THSD7B: variants seen among roughly 807,000 people sequenced by gnomAD.
THSD7B encodes the protein thrombospondin type 1 domain containing 7B, also known as thrombospondin type-1 domain-containing protein 7B.
THSD7B carries 138 observed loss-of-function variants against 213.6 expected under a neutral mutation model. That is an observed-to-expected ratio of 0.65 (90% confidence interval 0.56 to 0.74). THSD7B has a LOEUF of 0.74. Among genes scored for constraint, THSD7B ranks in the 30% least tolerant of loss-of-function variants. The pLI, the probability that THSD7B is intolerant of heterozygous loss-of-function variation, is 0.00. For missense variants in THSD7B, 1,931 were observed against 1,991.5 expected, an observed-to-expected ratio of 0.97 and a Z score of 0.58; for synonymous variants, 742 against 687.0, an observed-to-expected ratio of 1.08 and a Z score of -1.25.
intron 2 of THSD7B, among the ~76,000 whole-genome samples, chr2:136,916,675 C>A (rs530704093): frequency 6.6e-6 from 1 of 152,324 alleles, no homozygotes; most frequent in Non-Finnish European, 1.5e-5. Flanking sequence ...ATTCAGCTTC[C>A]AGATGGTTTA....
rs971940479 is a variant in THSD7B, at chr2:137,057,094, G to A, written c.814G>A (p.Asp272Asn). 3 of 1,613,934 alleles carry A rather than the reference G, an allele frequency of 1.9e-6. No homozygotes were observed. Among genetic ancestry groups the A allele is most frequent in the Non-Finnish European group, 1.7e-6 (2 of 1,179,878 alleles). Residue 272 changes from aspartate (D) to asparagine (N), a missense_variant, in exon 3 of 28, where the codon GAT (aspartate) becomes AAT (asparagine). Physicochemically the swap from Asp to Asn is conservative, Grantham distance 23. Coordinates refer to ENST00000409968, the MANE Select transcript of THSD7B (RefSeq NM_001316349.2). ...SGRTVLDFNS[D>N]SNERVTFKHQ... ...AAGAACTGTTCTGGATTTTAACTCT[G>A]ATTCAAATGAGCGAGTCACCTTTAA...
chr2:137,169,286 G>GTTTT (rs70978205), intron 6 of THSD7B, among the ~76,000 whole-genome samples: 1 of 140,530 alleles, frequency 7.1e-6, no homozygotes, highest in Non-Finnish European at 1.5e-5. Context: ...TTTATTTGAG[G>GTTTT]TTTTTTTTTT....
chr2:136,811,124 C>T (rs1388345147), intron 1 of THSD7B, among the ~76,000 whole-genome samples: 1 of 152,196 alleles, frequency 6.6e-6, no homozygotes, highest in Non-Finnish European at 1.5e-5. Flanking sequence ...AGGCTCTACA[C>T]AGGAATGGGC....
intron 12 of THSD7B, among the ~76,000 whole-genome samples, chr2:137,297,279 G>C (rs1301275494): frequency 2.7e-5 from 4 of 148,436 alleles, no homozygotes; most frequent in Admixed American, 6.8e-5. Flanking sequence ...GCAAGACTCT[G>C]TTCCTAAAAA....
At chr2:137,125,627 T>C (rs1688617374) in intron 5 of THSD7B, among the ~76,000 whole-genome samples, 2 of 152,208 alleles carry the variant, frequency 1.3e-5, no homozygotes, top group South Asian at 4.1e-4. Flanking sequence ...TTAATGTTGA[T>C]ATTTTGACCT....
chr2:136,926,847 ATCAC>A (rs1684536979), intron 2 of THSD7B, among the ~76,000 whole-genome samples: 2 of 152,182 alleles, frequency 1.3e-5, no homozygotes. Context: ...ATCCCAGCCC[ATCAC>A]TCACTAAGTC....
chr2:136,820,448 A>G (rs1195212183), intron 1 of THSD7B, among the ~76,000 whole-genome samples: 1 of 152,236 alleles, frequency 6.6e-6, no homozygotes, highest in Non-Finnish European at 1.5e-5. Flanking sequence ...TTATTTTGCC[A>G]CAAATGCAAG....
intron 3 of THSD7B, among the ~76,000 whole-genome samples, chr2:137,080,168 A>ATGTGTGTG (rs36115074): frequency 2.4e-4 from 35 of 148,318 alleles, no homozygotes; most frequent in African/African-American, 8.5e-4. Flanking sequence ...ATGTAAATAT[A>ATGTGTGTG]TGTGTGTGTG....
At chr2:137,140,413 G>A (rs1679557648) in intron 5 of THSD7B, among the ~76,000 whole-genome samples, 1 of 152,050 alleles carries the variant, frequency 6.6e-6, no homozygotes, top group Non-Finnish European at 1.5e-5. Context: ...CTATGCCTTT[G>A]TTCAAATGTC....
rs72124045 is a variant in THSD7B, at chr2:136,948,424, CCTTT to C, written c.139+66112_139+66115del. Among the ~76,000 whole-genome samples the C allele has an allele frequency of 8.6e-3, 1,244 of 145,292 alleles. 28 individuals are homozygous for C. Among genetic ancestry groups the C allele is most frequent in the African/African-American group, 0.031 (1,205 of 38,390 alleles). ...ACTGAATGACACCCCATCCCCCATA[CCTTT>C]CTTTTTTTCATGCCTCATATATATC... On this transcript the variant is annotated intron_variant, in intron 2 of 27. Coordinates refer to ENST00000409968, the MANE Select transcript of THSD7B (RefSeq NM_001316349.2).
At chr2:136,788,843 C>G (rs1005387288) in intron 1 of THSD7B, among the ~76,000 whole-genome samples, 1 of 152,076 alleles carries the variant, frequency 6.6e-6, no homozygotes, top group Admixed American at 6.6e-5. Flanking sequence ...TGTCTCTTTT[C>G]TCCTTATCTG....
intron 27 of THSD7B, among the ~76,000 whole-genome samples, chr2:137,675,181 A>G (rs114191638): frequency 3.9e-3 from 594 of 152,030 alleles, no homozygotes; most frequent in Middle Eastern, 0.01. Context: ...GCAGGGTGAA[A>G]TGGGGGAGGG....
intron 15 of THSD7B, among the ~76,000 whole-genome samples, chr2:137,549,803 A>G (rs956370655): frequency 9.9e-5 from 15 of 152,042 alleles, no homozygotes; most frequent in Non-Finnish European, 1.2e-4. Context: ...TGTGATTGGC[A>G]TATTTCACTT....
intron 10 of THSD7B, among the ~76,000 whole-genome samples, chr2:137,252,070 A>C (rs1200828747): frequency 6.6e-6 from 1 of 152,092 alleles, no homozygotes; most frequent in Non-Finnish European, 1.5e-5. Context: ...GTTCGAGACC[A>C]TCCTGGCTAA....
chr2:136,864,706 C>G (rs1683306764), intron 1 of THSD7B, among the ~76,000 whole-genome samples: 1 of 152,182 alleles, frequency 6.6e-6, no homozygotes. Context: ...GCTCCAGCCA[C>G]CATGCCCGGC....
intron 3 of THSD7B, among the ~76,000 whole-genome samples, chr2:137,076,291 G>A (rs553786743): frequency 1.7e-4 from 26 of 152,310 alleles, no homozygotes; most frequent in African/African-American, 5.1e-4. Context: ...CGACAATGGC[G>A]GGCGCCCCTC....
intron 1 of THSD7B, among the ~76,000 whole-genome samples, chr2:136,795,582 G>A (rs1180810942): frequency 6.6e-6 from 1 of 151,826 alleles, no homozygotes; most frequent in Admixed American, 6.6e-5. Flanking sequence ...AAATAGTTAG[G>A]TATTGTCATT....
At chr2:137,320,943 G>A (rs1684251944) in intron 12 of THSD7B, among the ~76,000 whole-genome samples, 2 of 152,196 alleles carry the variant, frequency 1.3e-5, no homozygotes, top group South Asian at 4.1e-4. Flanking sequence ...ATGCATGTGG[G>A]ATGCCACAGA....
intron 1 of THSD7B, among the ~76,000 whole-genome samples, chr2:136,852,751 C>G (rs1446315354): frequency 6.6e-6 from 1 of 152,044 alleles, no homozygotes; most frequent in Non-Finnish European, 1.5e-5. Context: ...TAAAAGAGCA[C>G]TCTAAATATT....
Sources: allele counts gnomAD v4.1 joint callset (sites outside exome capture counted in the v4.1 genomes callset), GRCh38; gene constraint gnomAD v4.1.1; transcripts MANE v1.5; gene names NCBI Gene and HGNC (gene_info 2026-07-23, HGNC 2026-07-21).